ATP2A2: variants seen among roughly 807,000 people sequenced by gnomAD.
ATP2A2 encodes the protein sarcoplasmic/endoplasmic reticulum calcium ATPase 2.
ATP2A2 carries 14 observed loss-of-function variants against 109.3 expected under a neutral mutation model. The ratio of observed to expected loss-of-function variants is 0.13; its 90% CI spans 0.08 to 0.20. The LOEUF (loss-of-function observed/expected upper bound fraction) is 0.20. ATP2A2 is among the 10% of genes least tolerant of loss of function. The pLI is 1.00. For missense variants in ATP2A2, 657 were observed against 1,321.6 expected, an observed-to-expected ratio of 0.50 and a Z score of 7.80; for synonymous variants, 506 against 490.9, an observed-to-expected ratio of 1.03 and a Z score of -0.41.
chr12:110,314,059 C>G (rs372648306), intron 5 of ATP2A2, among the ~76,000 whole-genome samples: 2 of 151,458 alleles, frequency 1.3e-5, no homozygotes, highest in East Asian at 2.0e-4. Context: ...GCCGGGTACA[C>G]TGGCTCATGC....
At chr12:110,298,981 T>C (rs948082885) in intron 5 of ATP2A2, among the ~76,000 whole-genome samples, 1 of 152,148 alleles carries the variant, frequency 6.6e-6, no homozygotes, top group Non-Finnish European at 1.5e-5. Flanking sequence ...CTTTTTTTGA[T>C]GAGGGGAAGA....
At chr12:110,284,322 A>G (rs148897636) in intron 3 of ATP2A2, among the ~76,000 whole-genome samples, 2 of 152,370 alleles carry the variant, frequency 1.3e-5, no homozygotes, top group African/African-American at 2.4e-5. Flanking sequence ...AACTGGGTAC[A>G]TAATAGCGTT....
intron 8 of ATP2A2, chr12:110,330,553 T>G (rs530849242): frequency 6.6e-6 from 1 of 152,362 alleles, no homozygotes; most frequent in African/African-American, 2.4e-5. Context: ...CTCAGAATAG[T>G]CTTTATGTCT....
intron 18 of ATP2A2, chr12:110,345,758 G>T: frequency 1.7e-6 from 1 of 602,178 alleles, no homozygotes; most frequent in Admixed American, 2.8e-5. Context: ...CAGGGCAATT[G>T]GGAACAGCTT....
intron 8 of ATP2A2, chr12:110,329,908 G>A (rs1878179883): frequency 6.6e-6 from 1 of 152,198 alleles, no homozygotes; most frequent in Non-Finnish European, 1.5e-5. Flanking sequence ...CTCATACAGA[G>A]TAGACATTTG....
chr12:110,299,138 A>G (rs549057571), intron 5 of ATP2A2, among the ~76,000 whole-genome samples: 2 of 152,092 alleles, frequency 1.3e-5, no homozygotes, highest in African/African-American at 2.4e-5. Flanking sequence ...CTCCTAGCTA[A>G]GTTTTGTATT....
At chr12:110,283,294 A>C (rs950804043) in intron 3 of ATP2A2, among the ~76,000 whole-genome samples, 3 of 152,204 alleles carry the variant, frequency 2.0e-5, no homozygotes, top group Non-Finnish European at 4.4e-5. Flanking sequence ...TTGTTGACCA[A>C]ATTTGGTCAC....
rs1880068760 is a variant in ATP2A2, at chr12:110,348,236, C to T, written c.*1766C>T. On this transcript the variant is annotated 3_prime_UTR_variant, in exon 20 of 20. Transcript: ENST00000539276. ...AGTGAACTCTGGGTATCGATAGGTT[C>T]GTCTTAAATAGGCCACTTCCCCACT... 4 of 985,206 alleles carry T rather than the reference C, an allele frequency of 4.1e-6. No individual in the cohort carries two copies. The highest frequency in any genetic ancestry group is 3.6e-6 in the Non-Finnish European group (3 of 829,950). The allele number at this position is 985,206 out of a possible 1,614,324, so 61.0% of individuals were successfully genotyped here. A position where few individuals can be genotyped will look rare whatever the true frequency, so the allele number is the denominator to read the frequency against.
chr12:110,328,607 G>A (rs1381605499), intron 8 of ATP2A2, among the ~76,000 whole-genome samples: 1 of 152,146 alleles, frequency 6.6e-6, no homozygotes, highest in East Asian at 1.9e-4. Context: ...TCATTCTGTT[G>A]CCCAGGCTAG....
At chr12:110,281,072 G>A (rs912569617), upstream of ATP2A2, 1 of 150,886 alleles carries the variant, frequency 6.6e-6, no homozygotes, top group African/African-American at 2.4e-5. Context: ...TAGGGGCGGC[G>A]CGCGGGAGGG....
In ATP2A2 at chr12:110,296,643, G is replaced by A. The variant is rs894193624; in HGVS notation, c.369G>A (p.Glu123=). ...ENAIEALKEY[E]PEMGKVYRQD... ...CCATCGAAGCCCTTAAGGAATATGA[G>A]CCTGAAATGGGCAAAGTGTATCGAC... Residue 123 remains glutamate (E), a synonymous_variant, in exon 5 of 20, where the codon GAG becomes GAA. Transcript: ENST00000539276. 4 of 1,614,028 alleles carry A rather than the reference G, an allele frequency of 2.5e-6. No homozygotes were observed. Among genetic ancestry groups the A allele is most frequent in the Non-Finnish European group, 3.4e-6 (4 of 1,180,032 alleles).
chr12:110,333,149 C>A (rs765447810), intron 9 of ATP2A2, 32 bp from the exon 10 acceptor site: 4 of 1,570,606 alleles, frequency 2.5e-6, no homozygotes, highest in African/African-American at 2.7e-5. Context: ...GGCGACCATA[C>A]CCTGCTCTAA....
At chr12:110,321,239 T>G (rs1381395335) in intron 5 of ATP2A2, among the ~76,000 whole-genome samples, 1 of 152,184 alleles carries the variant, frequency 6.6e-6, no homozygotes, top group East Asian at 1.9e-4. Context: ...GAAAAGAAAA[T>G]AAAAAATAAG....
At chr12:110,345,144 C>A in intron 17 of ATP2A2, 105 bp from the exon 18 acceptor site, 1 of 1,573,704 alleles carries the variant, frequency 6.4e-7, no homozygotes, top group Non-Finnish European at 8.7e-7. Context: ...AACCTCTTGG[C>A]TGGCTCTGCA....
At chr12:110,341,132 G>A in intron 14 of ATP2A2, 138 bp downstream of exon 14, 7 of 964,036 alleles carry the variant, frequency 7.3e-6, no homozygotes, top group Non-Finnish European at 1.1e-5. Flanking sequence ...CTAGAATTCG[G>A]TGAATCAGTG....
intron 3 of ATP2A2, among the ~76,000 whole-genome samples, chr12:110,286,712 A>C (rs1317494134): frequency 6.6e-6 from 1 of 151,280 alleles, no homozygotes; most frequent in Non-Finnish European, 1.5e-5. Context: ...AAAAAAAAAA[A>C]AAACTTGATG....
At chr12:110,307,109 A>G (rs901638697) in intron 5 of ATP2A2, among the ~76,000 whole-genome samples, 40 of 151,990 alleles carry the variant, frequency 2.6e-4, no homozygotes, top group African/African-American at 9.4e-4. Context: ...CGCTGGGTTG[A>G]ATGGTCATTC....
intron 5 of ATP2A2, among the ~76,000 whole-genome samples, chr12:110,306,703 G>T (rs753414908): frequency 2.5e-4 from 38 of 152,086 alleles, no homozygotes; most frequent in Non-Finnish European, 4.7e-4. Flanking sequence ...CTTTTGCATG[G>T]CTGCGTAGTA....
chr12:110,310,699 A>C (rs1875938274), intron 5 of ATP2A2, among the ~76,000 whole-genome samples: 1 of 152,170 alleles, frequency 6.6e-6, no homozygotes, highest in African/African-American at 2.4e-5. Flanking sequence ...GAAATTGATA[A>C]TTTTATTTCC....
Sources: allele counts gnomAD v4.1 joint callset (sites outside exome capture counted in the v4.1 genomes callset), GRCh38; gene constraint gnomAD v4.1.1; transcripts MANE v1.5; gene names NCBI Gene and HGNC (gene_info 2026-07-23, HGNC 2026-07-21).